FBXL7: variants seen among roughly 807,000 people sequenced by gnomAD.
FBXL7 encodes the protein F-box and leucine rich repeat protein 7.
FBXL7 carries 12 observed loss-of-function variants against 38.3 expected under a neutral mutation model. The observed-to-expected ratio is 0.31, with a 90% CI of 0.20 to 0.51. FBXL7 has a LOEUF of 0.51. FBXL7 is among the 20% of genes least tolerant of loss of function. FBXL7 has a pLI of 0.98. For synonymous variants in FBXL7, 297 were observed against 300.9 expected, an observed-to-expected ratio of 0.99 and a Z score of 0.13; for missense variants, 567 against 676.4, an observed-to-expected ratio of 0.84 and a Z score of 1.79.
intron 2 of FBXL7, among the ~76,000 whole-genome samples, chr5:15,875,840 G>A (rs762739037): frequency 6.6e-5 from 10 of 152,196 alleles, no homozygotes; most frequent in African/African-American, 2.4e-4. Context: ...GGAAGACAGT[G>A]TGGCAATTTC....
chr5:15,525,848 C>G lies in FBXL7; in HGVS notation c.37+25135C>G, dbSNP rs16903903. Among the ~76,000 whole-genome samples, 971 of 152,282 alleles carry G rather than the reference C, an allele frequency of 6.4e-3. 13 individuals are homozygous for G. Among genetic ancestry groups the G allele is most frequent in the African/African-American group, 0.022 (915 of 41,544 alleles). ...CTGACTCACCTCTGAAAATGAGCAG[C>G]CTCTTCCCTGCAAAGTATTGCACAA... is the stretch of plus-strand genomic sequence containing the variant. On this transcript the variant is annotated intron_variant, in intron 1 of 3. Coordinates refer to ENST00000504595, the MANE Select transcript of FBXL7 (RefSeq NM_012304.5).
At chr5:15,649,000 G>C (rs1228216768) in intron 2 of FBXL7, among the ~76,000 whole-genome samples, 1 of 146,344 alleles carries the variant, frequency 6.8e-6, no homozygotes, top group African/African-American at 2.5e-5. Context: ...TTGTTTGTTT[G>C]TTTGTTTGTG....
intron 2 of FBXL7, among the ~76,000 whole-genome samples, chr5:15,802,460 A>G (rs577143707): frequency 6.6e-6 from 1 of 151,136 alleles, no homozygotes; most frequent in Admixed American, 6.6e-5. Context: ...GTGTCCAGCC[A>G]TGTATCTCTC....
At chr5:15,541,988 C>T (rs80309678) in intron 1 of FBXL7, among the ~76,000 whole-genome samples, 1,822 of 151,848 alleles carry the variant, frequency 0.012, 37 homozygotes, top group African/African-American at 0.041. Context: ...CCATGTTATA[C>T]ACACTCTTTA....
chr5:15,912,658 A>G (rs981722334), intron 2 of FBXL7, among the ~76,000 whole-genome samples: 1 of 152,008 alleles, frequency 6.6e-6, no homozygotes, highest in African/African-American at 2.4e-5. Context: ...GGAGCTTTCT[A>G]TTAAAAAAAA....
intron 2 of FBXL7, among the ~76,000 whole-genome samples, chr5:15,792,611 G>T (rs1181591552): frequency 6.6e-6 from 1 of 152,174 alleles, no homozygotes; most frequent in Non-Finnish European, 1.5e-5. Context: ...CTTTGACAGG[G>T]TTCCAATGAG....
intron 1 of FBXL7, among the ~76,000 whole-genome samples, chr5:15,567,127 C>T (rs901036491): frequency 6.6e-6 from 1 of 152,122 alleles, no homozygotes; most frequent in African/African-American, 2.4e-5. Flanking sequence ...AGCTCATCAG[C>T]ATCATTTGCT....
At position 15,561,389 on chromosome 5, in the gene FBXL7, T is replaced by A. The variant is rs186673715; in HGVS notation, c.38-54594T>A. Among the ~76,000 whole-genome samples the A allele has an allele frequency of 5.9e-5, 9 of 152,294 alleles. No homozygotes were observed. The East Asian group carries it at 1.5e-3, about 26-fold the overall frequency. On this transcript the variant is annotated intron_variant, in intron 1 of 3. Coordinates refer to ENST00000504595, the MANE Select transcript of FBXL7 (RefSeq NM_012304.5). ...GGATTCATACATGTTGTTGCAAATG[T>A]CAGGATCTCCTTTTTTAAGGCTGAA...
chr5:15,881,217 A>C (rs1418261543), intron 2 of FBXL7, among the ~76,000 whole-genome samples: 1 of 152,052 alleles, frequency 6.6e-6, no homozygotes, highest in Non-Finnish European at 1.5e-5. Context: ...TCATTGTATC[A>C]TTCTTATGCC....
chr5:15,762,299 A>T (rs1241728406), intron 2 of FBXL7, among the ~76,000 whole-genome samples: 2 of 152,092 alleles, frequency 1.3e-5, no homozygotes, highest in Non-Finnish European at 2.9e-5. Context: ...GCAAGACGGA[A>T]GTTATAGCCT....
chr5:15,617,250 G>A (rs146425993), intron 2 of FBXL7, among the ~76,000 whole-genome samples: 63 of 152,164 alleles, frequency 4.1e-4, no homozygotes, highest in African/African-American at 1.5e-3. Context: ...TGTTTGATGC[G>A]TTTTCCCAAC....
chr5:15,654,415 A>G (rs991016171), intron 2 of FBXL7, among the ~76,000 whole-genome samples: 9 of 121,962 alleles, frequency 7.4e-5, no homozygotes, highest in South Asian at 2.5e-4. Context: ...TTCATAAAAA[A>G]CTGAAAAAAA....
intron 2 of FBXL7, among the ~76,000 whole-genome samples, chr5:15,837,097 A>G (rs928115093): frequency 5.3e-5 from 8 of 152,234 alleles, no homozygotes; most frequent in African/African-American, 1.7e-4. Context: ...TGACAGCAAG[A>G]TCCCTAATAC....
chr5:15,689,867 A>T (rs557887679), intron 2 of FBXL7, among the ~76,000 whole-genome samples: 1 of 152,326 alleles, frequency 6.6e-6, no homozygotes, highest in African/African-American at 2.4e-5. Context: ...ACCTTGGCTT[A>T]ACAGAAATTT....
intron 2 of FBXL7, among the ~76,000 whole-genome samples, chr5:15,727,501 T>C (rs1735439511): frequency 6.6e-6 from 1 of 152,158 alleles, no homozygotes; most frequent in Non-Finnish European, 1.5e-5. Flanking sequence ...GCAAGGTTTT[T>C]TTGTTTTGTT....
intron 2 of FBXL7, among the ~76,000 whole-genome samples, chr5:15,877,417 GT>G (rs1740255271): frequency 6.6e-6 from 1 of 152,126 alleles, no homozygotes; most frequent in African/African-American, 2.4e-5. Context: ...TTTCCTTCTT[GT>G]TGCCTGTTAA....
chr5:15,591,300 G>A (rs1739467414), intron 1 of FBXL7, among the ~76,000 whole-genome samples: 3 of 151,874 alleles, frequency 2.0e-5, no homozygotes, highest in Admixed American at 2.0e-4. Flanking sequence ...ATGGTGGCGG[G>A]CGCCTGTAGT....
intron 2 of FBXL7, among the ~76,000 whole-genome samples, chr5:15,840,682 A>C (rs1440797683): frequency 6.6e-6 from 1 of 152,036 alleles, no homozygotes; most frequent in Admixed American, 6.6e-5. Context: ...CCCCGTCTCT[A>C]CTAAAAATAC....
In FBXL7 at chr5:15,927,907, C is replaced by T. The variant is rs1741926015; in HGVS notation, c.145C>T (p.Arg49Cys). 2 of 1,531,042 alleles carry T rather than the reference C, an allele frequency of 1.3e-6. No homozygotes were observed. The highest frequency in any genetic ancestry group is 1.3e-5 in the South Asian group (1 of 77,240). 94.8% of individuals were successfully genotyped at this position (1,531,042 alleles called of 1,614,324 possible). ...ATSEDSDLSMRTLSTPSPALI... is the reference protein window; with the variant it reads ...ATSEDSDLSMCTLSTPSPALI... ...TTTGCCAGACTCCGACCTGAGCATG[C>T]GCACACTGAGCACGCCCAGCCCAGC... Residue 49 changes from arginine (R) to cysteine (C), a missense_variant, in exon 3 of 4, where the codon CGC becomes TGC. Arg to Cys is a radical substitution (Grantham distance 180). Coordinates refer to ENST00000504595, the MANE Select transcript of FBXL7 (RefSeq NM_012304.5).
Sources: allele counts gnomAD v4.1 joint callset (sites outside exome capture counted in the v4.1 genomes callset), GRCh38; gene constraint gnomAD v4.1.1; transcripts MANE v1.5; gene names NCBI Gene and HGNC (gene_info 2026-07-23, HGNC 2026-07-21).